AAK1: variants seen among roughly 807,000 people sequenced by gnomAD.
AAK1 encodes AP2 associated kinase 1.
AAK1 carries 37 observed loss-of-function variants against 116.0 expected under a neutral mutation model. The observed-to-expected ratio is 0.32, with a 90% CI of 0.25 to 0.42. The LOEUF is 0.42. Ranked by LOEUF, AAK1 falls within the 10% of genes least tolerant of loss-of-function variation. The pLI is 1.00. For synonymous variants in AAK1, 458 were observed against 439.9 expected (o/e 1.04, Z -0.51); for missense variants, 919 against 1,170.6 (o/e 0.79, Z 3.14).
chr2:69,618,475 A>G (rs1674438962), intron 2 of AAK1, among the ~76,000 whole-genome samples: 1 of 152,188 alleles, frequency 6.6e-6, no homozygotes, highest in East Asian at 1.9e-4. Flanking sequence ...CTCTGATGCC[A>G]TATTTTCCTA....
intron 2 of AAK1, among the ~76,000 whole-genome samples, chr2:69,573,626 G>A (rs1672178528): frequency 6.6e-6 from 1 of 152,156 alleles, no homozygotes; most frequent in African/African-American, 2.4e-5. Flanking sequence ...AAACCCAAGA[G>A]ATCTTTCAAC....
At chr2:69,493,960 A>C (rs1041978639) in intron 17 of AAK1, among the ~76,000 whole-genome samples, 2 of 152,192 alleles carry the variant, frequency 1.3e-5, no homozygotes, top group Non-Finnish European at 2.9e-5. Flanking sequence ...CAAGGGCCAC[A>C]CCACTTAGGG....
At chr2:69,601,245 C>G (rs1035167708) in intron 2 of AAK1, among the ~76,000 whole-genome samples, 4 of 152,344 alleles carry the variant, frequency 2.6e-5, no homozygotes, top group Admixed American at 6.5e-5. Context: ...ATATGACACA[C>G]AGTTCTGGAC....
At chr2:69,492,424 G>C (rs1015370219) in intron 17 of AAK1, among the ~76,000 whole-genome samples, 1 of 151,426 alleles carries the variant, frequency 6.6e-6, no homozygotes, top group African/African-American at 2.4e-5. Flanking sequence ...ATGTTGGCCA[G>C]ATTGGCCTCG....
chr2:69,607,484 T>C (rs1673860911), intron 2 of AAK1, among the ~76,000 whole-genome samples: 1 of 152,138 alleles, frequency 6.6e-6, no homozygotes, highest in African/African-American at 2.4e-5. Context: ...ATTTGGTTAC[T>C]CTCTCTGACT....
At chr2:69,635,026 C>T (rs1675385779) in intron 2 of AAK1, among the ~76,000 whole-genome samples, 1 of 152,090 alleles carries the variant, frequency 6.6e-6, no homozygotes, top group Non-Finnish European at 1.5e-5. Flanking sequence ...AGTAAAAAGG[C>T]AACCCACAGA....
chr2:69,581,027 C>T (rs1272175413), intron 2 of AAK1, among the ~76,000 whole-genome samples: 1 of 151,720 alleles, frequency 6.6e-6, no homozygotes, highest in African/African-American at 2.4e-5. Context: ...ATGTAAGTAA[C>T]ACATGCTTTA....
intron 6 of AAK1, 21 bp from the exon 7 acceptor site, chr2:69,530,727 T>C: frequency 6.4e-7 from 1 of 1,563,520 alleles, no homozygotes; most frequent in Non-Finnish European, 8.8e-7. Flanking sequence ...GAGATTCATT[T>C]TTTATTAAAT....
In AAK1 at chr2:69,467,193, G is replaced by A; in HGVS notation, c.*8676C>T. On this transcript the variant is annotated 3_prime_UTR_variant, in exon 22 of 22. Transcript: ENST00000409085. ...AAATAAATCACCTTCAGCTGGAGTT[G>A]CCCCAGAATTTTGTTTTCAGTCTTC... is the stretch of plus-strand genomic sequence containing the variant. The A allele has an allele frequency of 1.0e-6, 1 of 985,366 alleles. No homozygotes were observed. The highest frequency in any genetic ancestry group is 1.2e-6 in the Non-Finnish European group (1 of 829,912). The allele number at this position is 985,366 out of a possible 1,614,324, so 61.0% of individuals were successfully genotyped here.
intron 15 of AAK1, 24 bp downstream of exon 15, chr2:69,507,397 C>CA: frequency 6.2e-7 from 1 of 1,606,128 alleles, no homozygotes; most frequent in South Asian, 1.1e-5. Context: ...TCAAGAAGCA[C>CA]AAAAAAAGAC....
intron 2 of AAK1, among the ~76,000 whole-genome samples, chr2:69,625,003 A>C (rs1436961958): frequency 6.6e-6 from 1 of 152,242 alleles, no homozygotes; most frequent in Non-Finnish European, 1.5e-5. Context: ...CTTCAGAAAA[A>C]TGGTTATAAA....
At chr2:69,626,297 TTC>T (rs1674894025) in intron 2 of AAK1, among the ~76,000 whole-genome samples, 1 of 151,702 alleles carries the variant, frequency 6.6e-6, no homozygotes, top group Non-Finnish European at 1.5e-5. Flanking sequence ...TCTGCCCTGA[TTC>T]AGCATCCACC....
intron 3 of AAK1, among the ~76,000 whole-genome samples, chr2:69,555,185 C>T (rs986371391): frequency 5.3e-5 from 8 of 152,178 alleles, no homozygotes; most frequent in African/African-American, 1.9e-4. Context: ...AAACCCACTG[C>T]GTGTGTGAAG....
chr2:69,561,799 T>A (rs1189952689), intron 2 of AAK1, among the ~76,000 whole-genome samples: 2 of 152,176 alleles, frequency 1.3e-5, no homozygotes, highest in African/African-American at 4.8e-5. Context: ...CTGCTTTCCA[T>A]CCCTATAGTT....
chr2:69,642,875 T>C lies in AAK1; in HGVS notation c.163+3A>G. On this transcript the variant is annotated splice_donor_region_variant and intron_variant, in intron 2 of 21. Transcript: ENST00000409085. ...ATTTACGGCGCATTGAGCCCCACCG[T>C]ACCTTCCGCCAACACCTCGTCCACT... The C allele has an allele frequency of 1.2e-6, 2 of 1,613,848 alleles. No homozygotes were observed. Among genetic ancestry groups the C allele is most frequent in the Admixed American group, 1.7e-5 (1 of 60,022 alleles).
chr2:69,500,686 TATATATATATATAC>T (rs1370987204), intron 16 of AAK1, among the ~76,000 whole-genome samples: 13 of 110,466 alleles, frequency 1.2e-4, no homozygotes, highest in South Asian at 2.7e-4. Flanking sequence ...TATATATATA[TATATATATATATAC>T]ACACACACAC....
chr2:69,616,161 T>C (rs1014388235), intron 2 of AAK1, among the ~76,000 whole-genome samples: 4 of 152,202 alleles, frequency 2.6e-5, no homozygotes, highest in Non-Finnish European at 4.4e-5. Context: ...CAACATTATG[T>C]TTAGTTTTGG....
intron 2 of AAK1, among the ~76,000 whole-genome samples, chr2:69,571,193 T>C (rs1301909005): frequency 1.3e-5 from 2 of 152,196 alleles, no homozygotes; most frequent in Admixed American, 1.3e-4. Flanking sequence ...AGATGTATTA[T>C]GTCAAGTGAT....
chr2:69,565,316 C>A (rs1467586240), intron 2 of AAK1, among the ~76,000 whole-genome samples: 2 of 152,190 alleles, frequency 1.3e-5, no homozygotes, highest in Non-Finnish European at 2.9e-5. Context: ...AAAAATCAGG[C>A]AACAAACTTT....
Sources: allele counts gnomAD v4.1 joint callset (sites outside exome capture counted in the v4.1 genomes callset), GRCh38; gene constraint gnomAD v4.1.1; transcripts MANE v1.5; gene names NCBI Gene and HGNC (gene_info 2026-07-23, HGNC 2026-07-21).